The following ACTR1B variants were observed in gnomAD, a reference collection of about 807,000 sequenced individuals.
ACTR1B encodes the protein actin related protein 1B, also known as beta-centractin.
A neutral mutation model predicts 49.4 loss-of-function variants in ACTR1B; 34 were observed. The observed-to-expected ratio is 0.69, with a 90% CI of 0.52 to 0.92. The LOEUF is 0.92. Among genes scored for constraint, ACTR1B ranks in the 40% least tolerant of loss-of-function variants. ACTR1B has a pLI of 0.00. For synonymous variants in ACTR1B, 207 were observed against 207.8 expected (o/e 1.00, Z 0.03); for missense variants, 471 against 522.4 (o/e 0.90, Z 0.96).
chr2:97,657,540 T>C, intron 8 of ACTR1B, 31 bp from the exon 9 acceptor site: 4 of 1,612,198 alleles, frequency 2.5e-6, no homozygotes, highest in Non-Finnish European at 3.4e-6. Context: ...GAGCCTGGGG[T>C]CTGCACCCGG....
Position 97,663,855 on chromosome 2 carries a change from C to T in ACTR1B, c.36G>A (p.Val12=). 2.1e-6 allele frequency: 3 copies of T among 1,435,588 alleles called. No individual in the cohort carries two copies. The highest frequency in any genetic ancestry group is 2.8e-6 in the Non-Finnish European group (3 of 1,082,118). 88.9% of individuals were successfully genotyped at this position (1,435,588 alleles called of 1,614,324 possible). A position where few individuals can be genotyped will look rare whatever the true frequency, so the allele number is the denominator to read the frequency against. Residue 12 remains valine, a synonymous_variant, in exon 1 of 11, where the codon GTG becomes GTA. Coordinates refer to ENST00000289228, the MANE Select transcript of ACTR1B (RefSeq NM_005735.4). ...ESYDIIANQP[V]VIDNGSGVIK... Reference sequence around the variant, plus strand: ...TGCCGGGCCTCACGTTGTCGATGACCACAGGCTGGTTGGCGATGATGTCGT... The same window carrying T: ...TGCCGGGCCTCACGTTGTCGATGACTACAGGCTGGTTGGCGATGATGTCGT...
At chr2:97,663,637 C>A (rs549878206) in intron 1 of ACTR1B, among the ~76,000 whole-genome samples, 1 of 151,902 alleles carries the variant, frequency 6.6e-6, no homozygotes, top group Non-Finnish European at 1.5e-5. Flanking sequence ...AGAGGCTCTG[C>A]GACGCGGGCG....
At chr2:97,657,305 G>A in intron 9 of ACTR1B, 113 bp from the exon 10 acceptor site, 1 of 1,513,104 alleles carries the variant, frequency 6.6e-7, no homozygotes, top group Non-Finnish European at 9.1e-7. Flanking sequence ...GCATAAGCTG[G>A]GGAGTGGCAG....
chr2:97,660,384 C>G (rs577266859), intron 3 of ACTR1B, among the ~76,000 whole-genome samples, 187 bp downstream of exon 3: 75 of 152,364 alleles, frequency 4.9e-4, no homozygotes, highest in African/African-American at 1.7e-3. Flanking sequence ...ACACGATGAG[C>G]TCTACCCATG....
chr2:97,661,879 T>C lies in ACTR1B; in HGVS notation c.113+3A>G, dbSNP rs1675018042. ...CTAAGGCTGCTGCCTGAGCCACACTTACTAGTTTGGGAAACAGTATTTGGG... is the reference window on the plus strand; with the variant it reads ...CTAAGGCTGCTGCCTGAGCCACACTCACTAGTTTGGGAAACAGTATTTGGG... On this transcript the variant is annotated splice_donor_region_variant and intron_variant, in intron 2 of 10. Transcript: ENST00000289228. 6.3e-7 allele frequency: 1 copy of C among 1,589,334 alleles called. No homozygotes were observed.
Position 97,664,043 on chromosome 2 carries a change from C to T in ACTR1B, c.-153G>A. On this transcript the variant is annotated 5_prime_UTR_variant, in exon 1 of 11. Coordinates refer to ENST00000289228, the MANE Select transcript of ACTR1B (RefSeq NM_005735.4). ...GCCTACGCGAGCCCCGCGGGGCTTT[C>T]TGGAGGGCGGGCCCGGCGGCCAATC... is the stretch of plus-strand genomic sequence containing the variant. 2.9e-6 allele frequency: 1 copy of T among 341,630 alleles called. No homozygotes were observed. The highest frequency in any genetic ancestry group is 5.3e-5 in the East Asian group (1 of 18,870). 21.2% of individuals were successfully genotyped at this position (341,630 alleles called of 1,614,324 possible).
At position 97,660,623 on chromosome 2, in the gene ACTR1B, C is replaced by T. The variant is rs890064747; in HGVS notation, c.137G>A (p.Arg46Gln). 8 of 1,613,970 alleles carry T rather than the reference C, an allele frequency of 5.0e-6. No homozygotes were observed. The highest frequency in any genetic ancestry group is 1.3e-5 in the African/African-American group (1 of 74,946). ...CCCCTCCAGGGCTCCAGCCATCACCCGCATGTGCTTCGGCCGCCCGACACT... is the reference window on the plus strand; with the variant it reads ...CCCCTCCAGGGCTCCAGCCATCACCTGCATGTGCTTCGGCCGCCCGACACT... ...PNYVGRPKHM[R>Q]VMAGALEGDL... The change falls in exon 3 of 11, where the codon CGG (arginine) becomes CAG (glutamine). Residue 46 changes from arginine to glutamine, a missense_variant. Coordinates refer to ENST00000289228, the MANE Select transcript of ACTR1B (RefSeq NM_005735.4).
chr2:97,659,785 A>G lies in ACTR1B; in HGVS notation c.190-308T>C, dbSNP rs1674963277. The G allele has an allele frequency of 4.6e-6, 2 of 434,134 alleles. No individual in the cohort carries two copies. The highest frequency in any genetic ancestry group is 3.7e-5 in the Admixed American group (1 of 27,046). The allele number at this position is 434,134 out of a possible 1,614,324, so 26.9% of individuals were successfully genotyped here. On this transcript the variant is annotated intron_variant, in intron 3 of 10. Coordinates refer to ENST00000289228, the MANE Select transcript of ACTR1B (RefSeq NM_005735.4). The surrounding 1 kb of genome is among the most constrained non-coding windows in gnomAD (Gnocchi z 4.0). ...TTCTCACTGCCGGCACATCCCCCAC[A>G]TTCTCCTCACACTCTGCCAGCTCCC...
Position 97,659,505 on chromosome 2 carries a change from A to ACC in ACTR1B, c.190-30_190-29dup. ...GGTGGGGTGGGAAGGGAGGTGTGGC[A>ACC]CCCGGCCCTTGCTCAGCGGCTGCTT... On this transcript the variant is annotated intron_variant, in intron 3 of 10. Coordinates refer to ENST00000289228, the MANE Select transcript of ACTR1B (RefSeq NM_005735.4). This position sits in a 1 kb window ranked among gnomAD's most constrained non-coding sequence, Gnocchi z 4.0. 1.2e-6 allele frequency: 2 copies of ACC among 1,610,870 alleles called. No homozygotes were observed. Among genetic ancestry groups the ACC allele is most frequent in the Non-Finnish European group, 1.7e-6 (2 of 1,179,598 alleles).
chr2:97,658,739 T>G lies in ACTR1B; in HGVS notation c.441-96A>C. 2.5e-6 allele frequency: 4 copies of G among 1,579,954 alleles called. No homozygotes were observed. Among genetic ancestry groups the G allele is most frequent in the Non-Finnish European group, 3.5e-6 (4 of 1,152,582 alleles). On this transcript the variant is annotated intron_variant, in intron 5 of 10. Coordinates refer to ENST00000289228, the MANE Select transcript of ACTR1B (RefSeq NM_005735.4). The surrounding 1 kb of genome is among the most constrained non-coding windows in gnomAD (Gnocchi z 5.9). ...CCTGGCACATCTGCATTATCTAGTCTGAAGAGAGGACACGAGGGACTCCCT... is the reference window on the plus strand; with the variant it reads ...CCTGGCACATCTGCATTATCTAGTCGGAAGAGAGGACACGAGGGACTCCCT...
In ACTR1B at chr2:97,659,002, T is replaced by C; in HGVS notation, c.317A>G (p.His106Arg). 3.1e-6 allele frequency: 5 copies of C among 1,614,088 alleles called. No homozygotes were observed. Among genetic ancestry groups the C allele is most frequent in the Non-Finnish European group, 3.4e-6 (4 of 1,180,010 alleles). Residue 106 changes from histidine (H) to arginine (R), a missense_variant and splice_region_variant, in exon 5 of 11, where the codon CAT becomes CGT. By Grantham distance (29) the His-to-Arg change is conservative. Transcript: ENST00000289228. This position sits in a 1 kb window ranked among gnomAD's most constrained non-coding sequence, Gnocchi z 4.0. ...KDQLQTFSEE[H>R]PVLLTEAPLN... Reference sequence around the variant, plus strand: ...CGGGGCCTCCGTGAGGAGCACAGGATGCTGCGAGGGACGGGACAGTTGTAG... The same window carrying C: ...CGGGGCCTCCGTGAGGAGCACAGGACGCTGCGAGGGACGGGACAGTTGTAG...
Position 97,660,628 on chromosome 2 carries a change from G to A in ACTR1B, c.132C>T (p.His44=). The A allele has an allele frequency of 6.2e-7, 1 of 1,614,100 alleles. No homozygotes were observed. The highest frequency in any genetic ancestry group is 8.5e-7 in the Non-Finnish European group (1 of 1,180,024). Residue 44 remains histidine, a synonymous_variant, in exon 3 of 11, where the codon CAC becomes CAT. Coordinates refer to ENST00000289228, the MANE Select transcript of ACTR1B (RefSeq NM_005735.4). ...CFPNYVGRPK[H]MRVMAGALEG... Reference sequence around the variant, plus strand: ...CCAGGGCTCCAGCCATCACCCGCATGTGCTTCGGCCGCCCGACACTGTTAG... The same window carrying A: ...CCAGGGCTCCAGCCATCACCCGCATATGCTTCGGCCGCCCGACACTGTTAG...
At position 97,663,907 on chromosome 2, in the gene ACTR1B, C is replaced by T; in HGVS notation, c.-17G>A. On this transcript the variant is annotated 5_prime_UTR_variant, in exon 1 of 11. Coordinates refer to ENST00000289228, the MANE Select transcript of ACTR1B (RefSeq NM_005735.4). ...GGACTCCATGGCCGGGCCGCGCCGG[C>T]CCTGCCCAGCAGGCGGGCTGCAGGA... The T allele has an allele frequency of 7.3e-7, 1 of 1,364,384 alleles. No individual in the cohort carries two copies. 84.5% of individuals were successfully genotyped at this position (1,364,384 alleles called of 1,614,324 possible). A position where few individuals can be genotyped will look rare whatever the true frequency, so the allele number is the denominator to read the frequency against.
Position 97,660,647 on chromosome 2 carries a change from C to G in ACTR1B, c.114-1G>C. On this transcript the variant is annotated splice_acceptor_variant, in intron 2 of 10. Coordinates refer to ENST00000289228, the MANE Select transcript of ACTR1B (RefSeq NM_005735.4). LOFTEE classifies it high-confidence loss of function. ...CCGCATGTGCTTCGGCCGCCCGACA[C>G]TGTTAGGACGGATAACGTCAGCAAG... is the stretch of plus-strand genomic sequence containing the variant. The G allele has an allele frequency of 6.2e-7, 1 of 1,614,044 alleles. No homozygotes were observed. Among genetic ancestry groups the G allele is most frequent in the South Asian group, 1.1e-5 (1 of 91,082 alleles).
At position 97,659,071 on chromosome 2, in the gene ACTR1B, A is replaced by G; in HGVS notation, c.316-68T>C. ...TGCAAGGCCCTAAAAGGCTCTTTCC[A>G]GAGAACCACACCCGCTGGCGCACAG... is the stretch of plus-strand genomic sequence containing the variant. On this transcript the variant is annotated intron_variant, in intron 4 of 10. Coordinates refer to ENST00000289228, the MANE Select transcript of ACTR1B (RefSeq NM_005735.4). The surrounding 1 kb of genome is among the most constrained non-coding windows in gnomAD (Gnocchi z 4.0). The G allele has an allele frequency of 6.2e-7, 1 of 1,606,654 alleles. No individual in the cohort carries two copies. The highest frequency in any genetic ancestry group is 1.7e-5 in the Admixed American group (1 of 59,882).
rs1214081105 is a variant in ACTR1B at position 97,658,504 on chromosome 2, G to C, written c.580C>G (p.Leu194Val). 6.2e-7 allele frequency: 1 copy of C among 1,614,160 alleles called. No individual in the cohort carries two copies. The highest frequency in any genetic ancestry group is 8.5e-7 in the Non-Finnish European group (1 of 1,180,022). The change falls in exon 6 of 11, where the codon CTC becomes GTC. Residue 194 changes from leucine (L) to valine (V), a missense_variant. Coordinates refer to ENST00000289228, the MANE Select transcript of ACTR1B (RefSeq NM_005735.4). This position sits in a 1 kb window ranked among gnomAD's most constrained non-coding sequence, Gnocchi z 5.9. ...DIAGRDVSRY[L>V]RLLLRKEGVD... ...CCTTCCTTGCGCAGCAGGAGTCGGA[G>C]GTAGCGGGAGACGTCGCGGCCGGCA...
Position 97,658,354 on chromosome 2 carries a change from C to G in ACTR1B, c.658-38G>C, listed in dbSNP as rs1674914172. On this transcript the variant is annotated intron_variant, in intron 6 of 10. Transcript: ENST00000289228. The surrounding 1 kb of genome is among the most constrained non-coding windows in gnomAD (Gnocchi z 5.9). ...GGACACAGCCCTCAGAAGGCTGCAC[C>G]TGGGACACCTGTGCCTTGGTGCCAC... The G allele has an allele frequency of 1.9e-6, 3 of 1,613,712 alleles. No homozygotes were observed. The highest frequency in any genetic ancestry group is 4.5e-5 in the East Asian group (2 of 44,872).
intron 8 of ACTR1B, 63 bp from the exon 9 acceptor site, chr2:97,657,572 C>T: frequency 6.4e-7 from 1 of 1,552,018 alleles, no homozygotes; most frequent in Non-Finnish European, 8.9e-7. Context: ...CTAGCTCCCG[C>T]ACCCAGCCTT....
At chr2:97,661,788 C>T (rs1051849799) in intron 2 of ACTR1B, 94 bp downstream of exon 2, 2 of 1,304,110 alleles carry the variant, frequency 1.5e-6, no homozygotes, top group Admixed American at 2.0e-5. Context: ...CAGGTCAGGG[C>T]ACAAATTGTC....
Sources: gnomAD v4.1 joint callset for allele counts (sites outside exome capture counted in the v4.1 genomes callset) on GRCh38, gnomAD v4.1.1 for gene constraint, Gnocchi (gnomAD v3.1) non-coding constraint, MANE v1.5 for transcripts, NCBI Gene and HGNC (gene_info 2026-07-23, HGNC 2026-07-21) for gene names.